PID1: variants seen among roughly 807,000 people sequenced by gnomAD.
PID1 encodes PTB-containing, cubilin and LRP1-interacting protein.
In PID1, 10 loss-of-function variants were observed where a neutral mutation model predicts 19.1. That is an observed-to-expected ratio of 0.52 (90% CI 0.32 to 0.89). The LOEUF is 0.89. Ranked by LOEUF, PID1 falls within the 40% of genes least tolerant of loss-of-function variation. PID1 has a pLI of 0.03. For synonymous variants in PID1, 130 were observed against 116.0 expected, an observed-to-expected ratio of 1.12 and a Z score of -0.78; for missense variants, 248 against 285.3, an observed-to-expected ratio of 0.87 and a Z score of 0.94.
At chr2:229,053,141 C>T (rs1694028506) in intron 2 of PID1, among the ~76,000 whole-genome samples, 1 of 152,070 alleles carries the variant, frequency 6.6e-6, no homozygotes, top group African/African-American at 2.4e-5. Context: ...ATATGTGAGG[C>T]ATATAAATGT....
At chr2:229,180,699 A>G (rs1406686563) in intron 1 of PID1, among the ~76,000 whole-genome samples, 1 of 152,140 alleles carries the variant, frequency 6.6e-6, no homozygotes, top group African/African-American at 2.4e-5. Context: ...GCCTGCGGGA[A>G]CCTTTCCTTT....
intron 1 of PID1, among the ~76,000 whole-genome samples, chr2:229,224,832 TAA>T (rs3084669): frequency 0.012 from 1,767 of 148,160 alleles, 30 homozygotes; most frequent in African/African-American, 0.035. Flanking sequence ...GGATTCAGAA[TAA>T]AAAAAAAAAA....
intron 1 of PID1, among the ~76,000 whole-genome samples, chr2:229,157,692 C>A (rs1034493732): frequency 6.6e-6 from 1 of 152,186 alleles, no homozygotes; most frequent in Admixed American, 6.5e-5. Context: ...GGGGCACGCA[C>A]AGCCCCAAGA....
intron 2 of PID1, among the ~76,000 whole-genome samples, chr2:229,091,783 G>C (rs1216102161): frequency 1.3e-5 from 2 of 152,190 alleles, no homozygotes; most frequent in East Asian, 3.9e-4. Context: ...ACATTAACTA[G>C]ACAATTTCAG....
chr2:229,197,223 A>C (rs888925637), intron 1 of PID1, among the ~76,000 whole-genome samples: 3 of 152,144 alleles, frequency 2.0e-5, no homozygotes, highest in African/African-American at 7.2e-5. Flanking sequence ...TATATAAGTA[A>C]TAGTGGCAAC....
intron 2 of PID1, among the ~76,000 whole-genome samples, chr2:229,039,453 C>A (rs981915018): frequency 6.6e-6 from 1 of 151,996 alleles, no homozygotes; most frequent in Admixed American, 6.6e-5. Context: ...TCTAAAAGAG[C>A]CATGTAGAAA....
intron 1 of PID1, among the ~76,000 whole-genome samples, chr2:229,177,792 C>T (rs1256455781): frequency 2.6e-5 from 4 of 152,160 alleles, no homozygotes; most frequent in Non-Finnish European, 4.4e-5. Context: ...TATTGAGCTG[C>T]GCCTCCAGAG....
chr2:229,039,957 T>C (rs1485881646), intron 2 of PID1, among the ~76,000 whole-genome samples: 1 of 152,194 alleles, frequency 6.6e-6, no homozygotes, highest in African/African-American at 2.4e-5. Context: ...TGTTGCATTA[T>C]TTGTAATCAT....
chr2:229,125,949 G>A (rs1030500750), intron 2 of PID1, among the ~76,000 whole-genome samples: 1 of 152,132 alleles, frequency 6.6e-6, no homozygotes, highest in African/African-American at 2.4e-5. Context: ...AATAGCTATG[G>A]ATTGTACATT....
At chr2:229,178,641 T>A (rs79366746) in intron 1 of PID1, among the ~76,000 whole-genome samples, 13,482 of 152,106 alleles carry the variant, frequency 0.089, 786 homozygotes, top group Non-Finnish European at 0.13. Flanking sequence ...TTCTTCTGAA[T>A]GTTTACTAAT....
intron 2 of PID1, among the ~76,000 whole-genome samples, chr2:229,109,754 G>GA (rs1274781162): frequency 6.6e-6 from 1 of 152,270 alleles, no homozygotes; most frequent in Admixed American, 6.5e-5. Context: ...TGGAATGTAT[G>GA]AAAAAATGTA....
intron 2 of PID1, among the ~76,000 whole-genome samples, chr2:229,086,576 A>C (rs1412550629): frequency 6.6e-6 from 1 of 152,194 alleles, no homozygotes; most frequent in African/African-American, 2.4e-5. Context: ...AGAAGGAGAG[A>C]GTAAACTTAA....
chr2:229,063,114 T>C (rs1224513890), intron 2 of PID1, among the ~76,000 whole-genome samples: 1 of 152,086 alleles, frequency 6.6e-6, no homozygotes, highest in African/African-American at 2.4e-5. Flanking sequence ...CTAATATCTA[T>C]TACATTTATT....
chr2:229,077,930 T>G (rs763048086), intron 2 of PID1, among the ~76,000 whole-genome samples: 9 of 152,222 alleles, frequency 5.9e-5, no homozygotes, highest in Non-Finnish European at 8.8e-5. Flanking sequence ...AGAAAGTCAA[T>G]GGTAGCTTGA....
At chr2:229,099,410 G>C (rs190240332) in intron 2 of PID1, among the ~76,000 whole-genome samples, 3 of 152,162 alleles carry the variant, frequency 2.0e-5, no homozygotes, top group African/African-American at 7.2e-5. Context: ...TTTGAGGCAG[G>C]AAACTCAGTA....
intron 1 of PID1, among the ~76,000 whole-genome samples, chr2:229,163,891 C>G (rs889565208): frequency 6.6e-6 from 1 of 152,096 alleles, no homozygotes; most frequent in Admixed American, 6.5e-5. Flanking sequence ...TTACAAGCTG[C>G]CTCTAGGTAA....
Position 229,231,247 on chromosome 2 carries a change from G to T in PID1, c.30+39767C>A, listed in dbSNP as rs142180351. On this transcript the variant is annotated intron_variant, in intron 1 of 2. Coordinates refer to ENST00000392055, the MANE Select transcript of PID1 (RefSeq NM_001100818.2). ...AATCCATGAGGTCAACTCAGGTGCAGATTAGGTCTAGTCAAGTAAAGCACA... is the reference window on the plus strand; with the variant it reads ...AATCCATGAGGTCAACTCAGGTGCATATTAGGTCTAGTCAAGTAAAGCACA... Among the ~76,000 whole-genome samples the T allele has an allele frequency of 4.0e-3, 606 of 152,150 alleles. 1 individual carries two copies. The highest frequency in any genetic ancestry group is 6.8e-3 in the Middle Eastern group (2 of 294).
chr2:229,094,570 C>A (rs78486947), intron 2 of PID1, among the ~76,000 whole-genome samples: 1,830 of 152,034 alleles, frequency 0.012, 21 homozygotes, highest in South Asian at 0.032. Flanking sequence ...CAAAACAGCA[C>A]AGTACAGGTA....
intron 2 of PID1, among the ~76,000 whole-genome samples, chr2:229,154,524 C>T (rs1265307567): frequency 6.6e-6 from 1 of 152,170 alleles, no homozygotes; most frequent in African/African-American, 2.4e-5. Flanking sequence ...TTTGCCCACA[C>T]TGTGACACTA....
Sources: allele counts gnomAD v4.1 joint callset (sites outside exome capture counted in the v4.1 genomes callset), GRCh38; gene constraint gnomAD v4.1.1; transcripts MANE v1.5; gene names NCBI Gene and HGNC (gene_info 2026-07-23, HGNC 2026-07-21).